DPP6: variants seen among roughly 807,000 people sequenced by gnomAD.
The protein encoded by DPP6 is dipeptidyl peptidase like 6.
In DPP6, 69 loss-of-function variants were observed where a neutral mutation model predicts 122.6. That is an observed-to-expected ratio of 0.56 (90% CI 0.46 to 0.69). The LOEUF is 0.69. Ranked by LOEUF, DPP6 falls within the 30% of genes least tolerant of loss-of-function variation. DPP6 has a pLI of 0.00. For missense variants in DPP6, 928 were observed against 1,116.9 expected, an observed-to-expected ratio of 0.83 and a Z score of 2.41; for synonymous variants, 418 against 433.1, an observed-to-expected ratio of 0.97 and a Z score of 0.43.
At chr7:154,165,596 T>C (rs868407531) in intron 1 of DPP6, among the ~76,000 whole-genome samples, 18 of 151,772 alleles carry the variant, frequency 1.2e-4, no homozygotes, top group African/African-American at 4.1e-4. Context: ...ACTTCCACAA[T>C]GGTTGAACTA....
At chr7:153,769,510 G>A in the DPP6 span, among the ~76,000 whole-genome samples, 2 of 152,174 alleles carry the variant, frequency 1.3e-5, no homozygotes. Flanking sequence ...GGAGGAAAAT[G>A]TAATCATCCC....
At chr7:154,464,865 T>G (rs953139216) in intron 2 of DPP6, among the ~76,000 whole-genome samples, 3 of 152,200 alleles carry the variant, frequency 2.0e-5, no homozygotes, top group Admixed American at 6.5e-5. Flanking sequence ...AGAGTATCCA[T>G]TCCAAGAACC....
chr7:154,281,520 A>C (rs1201989819), intron 1 of DPP6, among the ~76,000 whole-genome samples: 1 of 152,142 alleles, frequency 6.6e-6, no homozygotes, highest in African/African-American at 2.4e-5. Flanking sequence ...GCAAAACTTA[A>C]CACCACCACT....
chr7:154,804,958 T>C lies in DPP6; in HGVS notation c.1541T>C (p.Leu514Pro), dbSNP rs1327355012. ...STEDLPRRRQ[L>P]YSANTVGNFN... is the part of the protein sequence containing the mutation. ...GAGGACCTGCCTCGGAGACGACAAC[T>C]CTACAGGTAACTCCTGCTCCCCCTG... Residue 514 changes from leucine to proline, a missense_variant, in exon 15 of 26, where the codon CTC becomes CCC. Transcript: ENST00000377770. The C allele has an allele frequency of 3.8e-6, 6 of 1,598,648 alleles. No homozygotes were observed. The highest frequency in any genetic ancestry group is 1.3e-5 in the African/African-American group (1 of 74,656).
At chr7:154,277,522 G>A (rs1804220800) in intron 1 of DPP6, among the ~76,000 whole-genome samples, 1 of 152,210 alleles carries the variant, frequency 6.6e-6, no homozygotes, top group African/African-American at 2.4e-5. Flanking sequence ...CCAGCACTTT[G>A]GGAGGCTGAG....
intron 16 of DPP6, among the ~76,000 whole-genome samples, chr7:154,807,532 T>G (rs546726054): frequency 6.6e-6 from 1 of 152,276 alleles, no homozygotes; most frequent in East Asian, 1.9e-4. Context: ...TAAGGATGAT[T>G]GAATATCACC....
chr7:154,462,401 G>A (rs903978695), intron 2 of DPP6, among the ~76,000 whole-genome samples: 1 of 152,154 alleles, frequency 6.6e-6, no homozygotes, highest in African/African-American at 2.4e-5. Flanking sequence ...TGTGAAGAAT[G>A]TCATCAGTAT....
intron 1 of DPP6, among the ~76,000 whole-genome samples, chr7:154,174,274 C>T (rs1004060472): frequency 5.3e-5 from 8 of 152,308 alleles, no homozygotes; most frequent in East Asian, 1.9e-4. Flanking sequence ...AACAACCTTA[C>T]GTGGTTGGGG....
chr7:154,301,018 G>A (rs1031384388), intron 1 of DPP6, among the ~76,000 whole-genome samples: 1 of 152,176 alleles, frequency 6.6e-6, no homozygotes, highest in Non-Finnish European at 1.5e-5. Context: ...TTATATGGTG[G>A]TTTAGGGTCT....
intron 7 of DPP6, among the ~76,000 whole-genome samples, chr7:154,675,589 G>A (rs1054928042): frequency 1.1e-4 from 17 of 152,198 alleles, no homozygotes; most frequent in Admixed American, 9.8e-4. Context: ...TTATGCACTC[G>A]TTTGTTTACG....
chr7:154,508,728 G>C (rs958833080), intron 3 of DPP6, among the ~76,000 whole-genome samples: 2 of 152,148 alleles, frequency 1.3e-5, no homozygotes, highest in East Asian at 3.9e-4. Context: ...TCTGGTTGAA[G>C]GCTAAGAAAG....
chr7:154,035,695 A>C (rs1413480404), intron 1 of DPP6, among the ~76,000 whole-genome samples: 1 of 152,134 alleles, frequency 6.6e-6, no homozygotes, highest in African/African-American at 2.4e-5. Flanking sequence ...TAAAAGCATC[A>C]GGAAGCTCAA....
intron 2 of DPP6, among the ~76,000 whole-genome samples, chr7:154,463,940 G>A (rs966681127): frequency 6.6e-6 from 1 of 152,186 alleles, no homozygotes; most frequent in African/African-American, 2.4e-5. Context: ...GGTGATGCAA[G>A]CACTCCCTTG....
intron 3 of DPP6, among the ~76,000 whole-genome samples, chr7:154,501,351 A>T (rs1196008617): frequency 6.6e-6 from 1 of 152,194 alleles, no homozygotes; most frequent in Non-Finnish European, 1.5e-5. Flanking sequence ...TCCTGGGGAA[A>T]AATGTCTCCA....
chr7:153,850,814 G>C, the DPP6 span, among the ~76,000 whole-genome samples: 17 of 152,232 alleles, frequency 1.1e-4, 1 homozygote, highest in Admixed American at 9.8e-4. Context: ...CCATGATTTG[G>C]TTATTTCCAC....
chr7:154,486,991 T>C lies in DPP6; in HGVS notation c.457+11954T>C, dbSNP rs1823852422. ...GAGATACATGTTCAGACTCTACTAA[T>C]TACTTTTCCTTGGCAAACGTTGCAT... On this transcript the variant is annotated intron_variant, in intron 3 of 25. Coordinates refer to ENST00000377770, the MANE Select transcript of DPP6 (RefSeq NM_130797.4). The surrounding 1 kb of genome is among the most constrained non-coding windows in gnomAD (Gnocchi z 4.5). 6.6e-6 allele frequency among the ~76,000 whole-genome samples: 1 copy of C among 152,200 alleles called. No homozygotes were observed. The highest frequency in any genetic ancestry group is 6.5e-5 in the Admixed American group (1 of 15,272).
rs186944443 is a variant in DPP6 at position 153,918,630 on chromosome 7, C to T, written c.51+30896C>T. 2.3e-3 allele frequency among the ~76,000 whole-genome samples: 322 copies of T among 141,178 alleles called. 2 individuals carry two copies. The highest frequency in any genetic ancestry group is 8.4e-3 in the African/African-American group (313 of 37,134). 92.6% of individuals were successfully genotyped at this position (141,178 alleles called of 152,430 possible). A position where few individuals can be genotyped will look rare whatever the true frequency, so the allele number is the denominator to read the frequency against. ...TCTCTCTCTCTCTCTGTCTCTCTCA[C>T]TACTGGTGATATCATCTCTGTGTAG... On this transcript the variant is annotated intron_variant, in intron 1 of 25. Coordinates refer to the DPP6 transcript ENST00000404039.
At chr7:154,709,259 A>C (rs1841015551) in intron 7 of DPP6, among the ~76,000 whole-genome samples, 2 of 152,232 alleles carry the variant, frequency 1.3e-5, no homozygotes, top group African/African-American at 4.8e-5. Context: ...AGTTCACTGC[A>C]GTCTTGACCT....
chr7:154,637,639 A>C (rs1159794312), intron 5 of DPP6, among the ~76,000 whole-genome samples, 182 bp from the exon 6 acceptor site: 1 of 152,228 alleles, frequency 6.6e-6, no homozygotes, highest in Non-Finnish European at 1.5e-5. Context: ...GCAAATGCTG[A>C]AAATAAAATA....
Sources: allele counts gnomAD v4.1 joint callset (sites outside exome capture counted in the v4.1 genomes callset), GRCh38; gene constraint gnomAD v4.1.1; non-coding constraint Gnocchi (gnomAD v3.1); transcripts MANE v1.5; gene names NCBI Gene and HGNC (gene_info 2026-07-23, HGNC 2026-07-21).